The following SYP variants were observed in gnomAD, a reference collection of about 807,000 sequenced individuals.
SYP encodes the protein major synaptic vesicle protein P38.
A neutral mutation model predicts 24.3 loss-of-function variants in SYP; 2 were observed. The ratio of observed to expected loss-of-function variants is 0.08; its 90% CI spans 0.03 to 0.26. The LOEUF (loss-of-function observed/expected upper bound fraction) is 0.26, where lower values mean the gene tolerates loss of function less well. Ranked by LOEUF, SYP falls within the 10% of genes least tolerant of loss-of-function variation. The probability of loss-of-function intolerance (pLI) is 1.00; values close to 1 mark genes in which losing one functional copy is unlikely to be tolerated. For synonymous variants in SYP, 143 were observed against 123.2 expected, an observed-to-expected ratio of 1.16 and a Z score of -1.07; for missense variants, 216 against 266.3, an observed-to-expected ratio of 0.81 and a Z score of 1.32.
intron 2 of SYP, 136 bp from the exon 3 acceptor site, chrX:49,197,975 G>T: frequency 1.2e-6 from 1 of 829,023 alleles, no homozygotes; most frequent in Non-Finnish European, 1.8e-6. Flanking sequence ...CCCTAATCAG[G>T]GCTCATCGGG....
rs1557102754 is a variant in SYP at position 49,191,665 on chromosome X, G to A, written c.714C>T (p.Gly238=). 8.3e-7 allele frequency: 1 copy of A among 1,204,395 alleles called. No homozygotes were observed. The highest frequency in any genetic ancestry group is 1.8e-5 in the South Asian group (1 of 56,240). Residue 238 remains glycine, a synonymous_variant, in exon 6 of 7, where the codon GGC becomes GGT. Coordinates refer to ENST00000263233, the MANE Select transcript of SYP (RefSeq NM_003179.3). ...WAAPFLRAPP[G]APEKQPAPGD... Reference sequence around the variant, plus strand: ...CGGGTGCCGGTTGTTTCTCGGGGGCGCCGGGAGGCGCGCGCAGGAACGGGG... The same window carrying A: ...CGGGTGCCGGTTGTTTCTCGGGGGCACCGGGAGGCGCGCGCAGGAACGGGG...
At chrX:49,195,248 G>A (rs781807723) in intron 3 of SYP, among the ~76,000 whole-genome samples, 22 of 107,477 alleles carry the variant, frequency 2.0e-4, no homozygotes, top group Non-Finnish European at 3.1e-4. Context: ...TTTCACCTCC[G>A]TTTATCTCCA....
At position 49,188,149 on chromosome X, in the gene SYP, T is replaced by C. The variant is rs1380992659; in HGVS notation, c.*1138A>G. On this transcript the variant is annotated 3_prime_UTR_variant, in exon 7 of 7. Coordinates refer to ENST00000263233, the MANE Select transcript of SYP (RefSeq NM_003179.3). ...TCTGTCCTCCTATTAACCTAGCTGTTTCATCACGGGAGTGGGGAAGGGTGT... is the reference window on the plus strand; with the variant it reads ...TCTGTCCTCCTATTAACCTAGCTGTCTCATCACGGGAGTGGGGAAGGGTGT... The C allele has an allele frequency of 9.0e-6, 1 of 111,061 alleles. No homozygotes were observed. Among genetic ancestry groups the C allele is most frequent in the Non-Finnish European group, 1.9e-5 (1 of 52,889 alleles). 9.2% of individuals were successfully genotyped at this position (111,061 alleles called of 1,213,427 possible).
Position 49,189,174 on chromosome X carries a change from A to G in SYP, c.*113T>C, listed in dbSNP as rs1461167896. ...ATATATATATATATAAACAGCAAAG[A>G]CAGGGTCTCCTGGCTTGAGGGGTGG... On this transcript the variant is annotated 3_prime_UTR_variant, in exon 7 of 7. Coordinates refer to ENST00000263233, the MANE Select transcript of SYP (RefSeq NM_003179.3). 9.3e-6 allele frequency: 1 copy of G among 107,943 alleles called. No individual in the cohort carries two copies. Among genetic ancestry groups the G allele is most frequent in the East Asian group, 2.9e-4 (1 of 3,474 alleles). The allele number at this position is 107,943 out of a possible 1,213,427, so 8.9% of individuals were successfully genotyped here.
intron 2 of SYP, chrX:49,198,698 C>A: frequency 2.6e-6 from 1 of 386,581 alleles, no homozygotes; most frequent in Non-Finnish European, 4.5e-6. Flanking sequence ...GGCTCCACCT[C>A]CCCCACCCCT....
intron 3 of SYP, among the ~76,000 whole-genome samples, chrX:49,194,704 C>T (rs2065522291): frequency 1.7e-5 from 1 of 57,406 alleles, no homozygotes; most frequent in Non-Finnish European, 3.0e-5. Flanking sequence ...CCCTCATCTC[C>T]TTTTTTTTTT....
chrX:49,194,262 G>A lies in SYP; in HGVS notation c.327C>T (p.Thr109=), dbSNP rs782570982. ...DYSSSAEFFV[T]VAVFAFLYSM... is the part of the protein sequence containing the mutation. The stretch of plus-strand genomic sequence containing the variant: ...AGTAGAGGAAGGCAAACACGGCCAC[G>A]GTGACAAAGAATTCGGCTGACGAGG... Residue 109 remains threonine, a synonymous_variant, in exon 4 of 7, where the codon ACC becomes ACT. Transcript: ENST00000263233. 1.2e-5 allele frequency: 14 copies of A among 1,209,516 alleles called. No individual in the cohort carries two copies. In the Admixed American group the frequency reaches 2.0e-4, roughly 17 times the overall value.
intron 3 of SYP, among the ~76,000 whole-genome samples, chrX:49,194,916 C>A (rs973015201): frequency 2.7e-4 from 30 of 110,568 alleles, no homozygotes; most frequent in Admixed American, 2.1e-3. Flanking sequence ...ACCGTGTTGG[C>A]CAGGATAGTC....
rs1174470168 is a variant in SYP at position 49,197,941 on chromosome X, G to C, written c.103-102C>G. 3 of 1,095,032 alleles carry C rather than the reference G, an allele frequency of 2.7e-6. No homozygotes were observed. The African/African-American group carries it at 5.5e-5, about 20-fold the overall frequency. The allele number at this position is 1,095,032 out of a possible 1,213,427, so 90.2% of individuals were successfully genotyped here. On this transcript the variant is annotated intron_variant, in intron 2 of 6. Transcript: ENST00000263233. ...CGGGGGCCCAGCACAGGCAGCAGCA[G>C]ATGGAGCAGTCCCCACCCCCACCCC... is the stretch of plus-strand genomic sequence containing the variant.
At chrX:49,191,875 C>A in intron 5 of SYP, 112 bp from the exon 6 acceptor site, 1 of 870,602 alleles carries the variant, frequency 1.1e-6, no homozygotes. Context: ...GTGGGGGTTT[C>A]TGAAACCCAG....
chrX:49,198,943 C>T (rs781941977), intron 2 of SYP, 25 bp downstream of exon 2: 2 of 1,209,619 alleles, frequency 1.7e-6, no homozygotes, highest in African/African-American at 3.5e-5. Context: ...CTGCACTCTG[C>T]CCCAACAGCC....
In SYP at chrX:49,197,852, G is replaced by A. The variant is rs200840035; in HGVS notation, c.103-13C>T. 7.5e-6 allele frequency: 9 copies of A among 1,207,765 alleles called. No individual in the cohort carries two copies. The Admixed American group carries it at 2.0e-4, about 26-fold the overall frequency. On this transcript the variant is annotated splice_polypyrimidine_tract_variant and intron_variant, in intron 2 of 6. Transcript: ENST00000263233. ...AGATGGCGAAGACCTTGGGCAGCAG[G>A]GATGGGGATGGCCACAGTGAACCTG...
Position 49,194,156 on chromosome X carries a change from G to A in SYP, c.423+10C>T. On this transcript the variant is annotated intron_variant, in intron 4 of 6. Transcript: ENST00000263233. ...ATGGTCCCTACATGCAAGTGGCTGT[G>A]GGGACTCACCAGCATGGGCCCTTTG... 2 of 1,210,089 alleles carry A rather than the reference G, an allele frequency of 1.7e-6. No individual in the cohort carries two copies. The highest frequency in any genetic ancestry group is 2.2e-6 in the Non-Finnish European group (2 of 894,200).
At chrX:49,197,287 T>G in intron 3 of SYP, 2 of 129,046 alleles carry the variant, frequency 1.5e-5, no homozygotes, top group Non-Finnish European at 3.1e-5. Flanking sequence ...CTGGCGGGAG[T>G]TGGGTCTGTT....
intron 4 of SYP, 141 bp from the exon 5 acceptor site, chrX:49,193,604 C>T (rs782382494): frequency 1.3e-5 from 9 of 667,547 alleles, no homozygotes; most frequent in Non-Finnish European, 2.0e-5. Flanking sequence ...ACAACACTTT[C>T]ACCTGAAGGT....
intron 2 of SYP, 142 bp from the exon 3 acceptor site, chrX:49,197,981 TC>T (rs1263425380): frequency 1.3e-6 from 1 of 781,817 alleles, no homozygotes; most frequent in Non-Finnish European, 1.9e-6. Context: ...TCAGGGCTCA[TC>T]GGGACCAAGG....
At chrX:49,199,623 A>G (rs2065542916) in intron 1 of SYP, among the ~76,000 whole-genome samples, 1 of 86,311 alleles carries the variant, frequency 1.2e-5, no homozygotes, top group Non-Finnish European at 2.2e-5. Flanking sequence ...TTCAGTCGCT[A>G]TGTGTTGGGG....
At chrX:49,193,240 T>C in intron 5 of SYP, 32 bp downstream of exon 5, 1 of 1,205,151 alleles carries the variant, frequency 8.3e-7, no homozygotes, top group Non-Finnish European at 1.1e-6. Context: ...TGTTTTCCAC[T>C]CTCCCTCCTC....
At chrX:49,191,181 C>T (rs1557102636) in intron 6 of SYP, 4 of 420,466 alleles carry the variant, frequency 9.5e-6, no homozygotes, top group African/African-American at 5.0e-5. Context: ...GCCGAGTTGC[C>T]CTTCTACCTC....
Sources: allele counts gnomAD v4.1 joint callset (sites outside exome capture counted in the v4.1 genomes callset), GRCh38; gene constraint gnomAD v4.1.1; transcripts MANE v1.5; gene names NCBI Gene and HGNC (gene_info 2026-07-23, HGNC 2026-07-21).